Variants in ANKRD13C observed in about 807,000 individuals in gnomAD.
ANKRD13C encodes ankyrin repeat domain-containing protein 13C.
In ANKRD13C, 16 loss-of-function variants were observed where a neutral mutation model predicts 65.5. The observed-to-expected ratio is 0.24, with a 90% CI of 0.17 to 0.37. The LOEUF is 0.37. Among genes scored for constraint, ANKRD13C ranks in the 10% least tolerant of loss-of-function variants. The probability of loss-of-function intolerance (pLI) is 1.00; values close to 1 mark genes in which losing one functional copy is unlikely to be tolerated. For missense variants in ANKRD13C, 503 were observed against 655.9 expected (o/e 0.77, Z 2.55); for synonymous variants, 235 against 238.7 (o/e 0.98, Z 0.14).
chr1:70,297,192 C>T (rs1235996472), intron 7 of ANKRD13C, among the ~76,000 whole-genome samples: 1 of 151,778 alleles, frequency 6.6e-6, no homozygotes, highest in South Asian at 2.1e-4. Flanking sequence ...ATAGTTAGAG[C>T]CTTCATTCTC....
intron 2 of ANKRD13C, among the ~76,000 whole-genome samples, chr1:70,329,634 C>G (rs1039346397): frequency 2.6e-5 from 4 of 152,150 alleles, no homozygotes; most frequent in Non-Finnish European, 4.4e-5. Flanking sequence ...ATACATTGTG[C>G]TAGACACATA....
chr1:70,303,108 C>T (rs1223942891), intron 6 of ANKRD13C, among the ~76,000 whole-genome samples: 1 of 152,090 alleles, frequency 6.6e-6, no homozygotes, highest in African/African-American at 2.4e-5. Context: ...TAGAAACTTC[C>T]CAGTTATATA....
rs1678321389 is a variant in ANKRD13C at position 70,259,325 on chromosome 1, A to C, written c.*3392T>G. On this transcript the variant is annotated 3_prime_UTR_variant, in exon 13 of 13. Coordinates refer to ENST00000370944, the MANE Select transcript of ANKRD13C (RefSeq NM_030816.5). ...CAAAACATGATGAAAACCAAGAATG[A>C]TTAACAAGCACCTTTCTTAGAAGTT... Among the ~76,000 whole-genome samples the C allele has an allele frequency of 6.6e-6, 1 of 152,234 alleles. No homozygotes were observed. The highest frequency in any genetic ancestry group is 1.5e-5 in the Non-Finnish European group (1 of 68,024).
chr1:70,268,660 T>C (rs1024667027), intron 12 of ANKRD13C, among the ~76,000 whole-genome samples: 1 of 152,056 alleles, frequency 6.6e-6, no homozygotes, highest in Non-Finnish European at 1.5e-5. Context: ...TCTTTTTGTA[T>C]CAAAGGAAGT....
intron 3 of ANKRD13C, among the ~76,000 whole-genome samples, chr1:70,317,323 C>G (rs974995629): frequency 6.6e-6 from 1 of 152,048 alleles, no homozygotes; most frequent in Admixed American, 6.5e-5. Context: ...TTCCCAAATA[C>G]GAACCTACAT....
Position 70,354,677 on chromosome 1 carries a change from G to A in ANKRD13C, c.-269C>T. The A allele has an allele frequency of 4.9e-6, 4 of 819,358 alleles. No individual in the cohort carries two copies. The highest frequency in any genetic ancestry group is 1.7e-5 in the African/African-American group (1 of 57,912). 50.8% of individuals were successfully genotyped at this position (819,358 alleles called of 1,614,324 possible). On this transcript the variant is annotated 5_prime_UTR_variant, in exon 1 of 13. Transcript: ENST00000370944. ...CAGTCTCGCCGTCGCAGCCGCCGTC[G>A]CTGCCTTACACCGAAAAACAGGGCA...
chr1:70,265,103 T>C (rs1349335071), intron 12 of ANKRD13C, among the ~76,000 whole-genome samples: 1 of 152,014 alleles, frequency 6.6e-6, no homozygotes, highest in Non-Finnish European at 1.5e-5. Context: ...AGGTGGAGTT[T>C]AGGCCAAAAA....
intron 9 of ANKRD13C, among the ~76,000 whole-genome samples, chr1:70,281,517 C>T (rs1679387827): frequency 4.6e-5 from 7 of 151,382 alleles, no homozygotes. Flanking sequence ...ATCCTCCCAC[C>T]CCAGCCTCCT....
Position 70,262,787 on chromosome 1 carries a change from T to C in ANKRD13C, c.1556A>G (p.Glu519Gly). Residue 519 changes from glutamate (E) to glycine (G), a missense_variant, in exon 13 of 13, where the codon GAA becomes GGA. By Grantham distance (98) the Glu-to-Gly change is moderately conservative. Around this residue, in one of 2 missense-constraint regions of ANKRD13C, gnomAD observed 300 missense variants for 478.3 expected, o/e 0.63. Transcript: ENST00000370944. ...TVTFQEFRYD[E>G]FDGSIFTIPD... ...TATAGTAAAGATGGAGCCATCAAAT[T>C]CATCGTATCGAAACTCCTGAAAAGT... The C allele has an allele frequency of 6.2e-7, 1 of 1,613,676 alleles. No homozygotes were observed. Among genetic ancestry groups the C allele is most frequent in the South Asian group, 1.1e-5 (1 of 91,066 alleles).
In ANKRD13C at chr1:70,260,190, T is replaced by C. The variant is rs911128863; in HGVS notation, c.*2527A>G. Among the ~76,000 whole-genome samples the C allele has an allele frequency of 6.6e-6, 1 of 152,186 alleles. No homozygotes were observed. Among genetic ancestry groups the C allele is most frequent in the Non-Finnish European group, 1.5e-5 (1 of 68,006 alleles). ...TTTCCAAACCATCATCTGTACTTCT[T>C]ATACTCACAAAAATCAGGGCATCTA... On this transcript the variant is annotated 3_prime_UTR_variant, in exon 13 of 13. Coordinates refer to ENST00000370944, the MANE Select transcript of ANKRD13C (RefSeq NM_030816.5).
At chr1:70,296,062 T>A in intron 8 of ANKRD13C, 68 bp downstream of exon 8, 1 of 1,538,582 alleles carries the variant, frequency 6.5e-7, no homozygotes, top group Admixed American at 2.0e-5. Context: ...TGCATTTCCA[T>A]CACGTTATTT....
Position 70,354,235 on chromosome 1 carries a change from G to A in ANKRD13C, c.174C>T (p.His58=). ...GAGCTGCCTTCAGCTGTAGCCGGTG[G>A]TGATGGTTACTGAAGATCTTATGAC... is the stretch of plus-strand genomic sequence containing the variant. ...KACHKIFSNH[H]HRLQLKAAPA... is the part of the protein sequence containing the mutation. The change falls in exon 1 of 13, where the codon CAC becomes CAT. Residue 58 remains histidine, a synonymous_variant. Coordinates refer to ENST00000370944, the MANE Select transcript of ANKRD13C (RefSeq NM_030816.5). 1 of 1,613,612 alleles carries A rather than the reference G, an allele frequency of 6.2e-7. No homozygotes were observed. The highest frequency in any genetic ancestry group is 1.1e-5 in the South Asian group (1 of 91,084).
chr1:70,269,940 A>T (rs942578723), intron 12 of ANKRD13C, among the ~76,000 whole-genome samples: 1 of 152,198 alleles, frequency 6.6e-6, no homozygotes, highest in Admixed American at 6.5e-5. Context: ...GATAGTGTTA[A>T]AGGAGCTCCT....
intron 11 of ANKRD13C, among the ~76,000 whole-genome samples, chr1:70,272,578 T>C (rs1266201325): frequency 1.3e-5 from 2 of 152,136 alleles, no homozygotes; most frequent in Non-Finnish European, 2.9e-5. Flanking sequence ...TTATAAATTC[T>C]AAGATATTCT....
rs189952797 is a variant in ANKRD13C at position 70,300,652 on chromosome 1, A to G, written c.921+112T>C. 458 of 986,246 alleles carry G rather than the reference A, an allele frequency of 4.6e-4. 8 individuals carry two copies. The East Asian group carries it at 0.011, about 23-fold the overall frequency. The allele number at this position is 986,246 out of a possible 1,614,324, so 61.1% of individuals were successfully genotyped here. Reference sequence around the variant, plus strand: ...TCAGGAAACTATAGCTTTAGGAACAAACCATCTCAATTATACCTTAAGCTT... The same window carrying G: ...TCAGGAAACTATAGCTTTAGGAACAGACCATCTCAATTATACCTTAAGCTT... On this transcript the variant is annotated intron_variant, in intron 7 of 12. Coordinates refer to ENST00000370944, the MANE Select transcript of ANKRD13C (RefSeq NM_030816.5).
chr1:70,290,461 A>AAC (rs1370126073), intron 9 of ANKRD13C, among the ~76,000 whole-genome samples: 1 of 152,148 alleles, frequency 6.6e-6, no homozygotes, highest in African/African-American at 2.4e-5. Flanking sequence ...ATGTTTATAC[A>AAC]ACACACACAA....
At chr1:70,351,445 G>C (rs985178856) in intron 1 of ANKRD13C, among the ~76,000 whole-genome samples, 1 of 151,996 alleles carries the variant, frequency 6.6e-6, no homozygotes, top group South Asian at 2.1e-4. Context: ...TGTTACCCAG[G>C]CTGGAGTGCA....
chr1:70,338,424 C>T (rs1558311230), intron 1 of ANKRD13C, among the ~76,000 whole-genome samples: 2 of 151,868 alleles, frequency 1.3e-5, no homozygotes, highest in African/African-American at 4.8e-5. Context: ...GTGTGTGAGA[C>T]AGAGTCTCCT....
rs1406741117 is a variant in ANKRD13C, at chr1:70,263,935, A to AT, written c.1496-1089dup. 2.0e-5 allele frequency among the ~76,000 whole-genome samples: 3 copies of AT among 152,204 alleles called. No homozygotes were observed. In the South Asian group the frequency reaches 6.2e-4, roughly 31 times the overall value. On this transcript the variant is annotated intron_variant, in intron 12 of 12. Transcript: ENST00000370944. ...TTTTATTGCAGAAAGTTATGTTCTT[A>AT]TGTAAAAAGGAAAACAAAATACCTT...
Sources: allele counts gnomAD v4.1 joint callset (sites outside exome capture counted in the v4.1 genomes callset), GRCh38; gene constraint gnomAD v4.1.1; regional missense constraint gnomAD v4.1.1; transcripts MANE v1.5; gene names NCBI Gene and HGNC (gene_info 2026-07-23, HGNC 2026-07-21).